The following PDE3A variants were observed in gnomAD, a reference collection of about 807,000 sequenced individuals.
The protein encoded by PDE3A is cGMP-inhibited 3',5'-cyclic phosphodiesterase 3A.
In PDE3A, 43 loss-of-function variants were observed where a neutral mutation model predicts 98.3. The observed-to-expected ratio is 0.44, with a 90% CI of 0.34 to 0.56. The LOEUF is 0.56. PDE3A is among the 20% of genes least tolerant of loss of function. PDE3A has a pLI of 0.01. For synonymous variants in PDE3A, 663 were observed against 567.9 expected, an observed-to-expected ratio of 1.17 and a Z score of -2.38; for missense variants, 1,427 against 1,440.7, an observed-to-expected ratio of 0.99 and a Z score of 0.15.
intron 9 of PDE3A, among the ~76,000 whole-genome samples, chr12:20,639,062 C>T (rs1391863981): frequency 6.6e-6 from 1 of 151,996 alleles, no homozygotes; most frequent in Non-Finnish European, 1.5e-5. Flanking sequence ...TCAAGTTCTC[C>T]AAATGAGGAT....
At chr12:20,543,289 A>G (rs183795154) in intron 1 of PDE3A, among the ~76,000 whole-genome samples, 4 of 151,930 alleles carry the variant, frequency 2.6e-5, no homozygotes, top group African/African-American at 4.8e-5. Flanking sequence ...CTAACTATCA[A>G]TTGCATTGGA....
Position 20,546,247 on chromosome 12 carries a change from A to G in PDE3A, c.961-10413A>G, listed in dbSNP as rs539243319. ...TAAACAGTATATGGCAACCCCAGGA[A>G]TTCTGTTAGCTTCTTTGGCCTAAGC... is the stretch of plus-strand genomic sequence containing the variant. On this transcript the variant is annotated intron_variant, in intron 1 of 15. Transcript: ENST00000359062. 8.5e-5 allele frequency among the ~76,000 whole-genome samples: 13 copies of G among 152,168 alleles called. No homozygotes were observed. The East Asian group carries it at 2.3e-3, about 27-fold the overall frequency.
At chr12:20,411,923 TC>T (rs775631012) in intron 1 of PDE3A, among the ~76,000 whole-genome samples, 12 of 147,228 alleles carry the variant, frequency 8.2e-5, no homozygotes, top group Non-Finnish European at 1.7e-4. Flanking sequence ...GACCTTCATT[TC>T]AATTTTATAG....
intron 1 of PDE3A, among the ~76,000 whole-genome samples, chr12:20,497,494 G>A (rs1945940871): frequency 6.6e-6 from 1 of 150,498 alleles, no homozygotes; most frequent in Non-Finnish European, 1.5e-5. Flanking sequence ...TGATTTTAAA[G>A]TTTTTAAAAA....
At chr12:20,482,125 A>G (rs1489929749) in intron 1 of PDE3A, among the ~76,000 whole-genome samples, 3 of 152,098 alleles carry the variant, frequency 2.0e-5, no homozygotes, top group African/African-American at 7.2e-5. Context: ...AGAAAGCACA[A>G]GATTATTTCT....
intron 1 of PDE3A, among the ~76,000 whole-genome samples, chr12:20,436,136 T>C (rs974975173): frequency 6.6e-5 from 10 of 152,128 alleles, no homozygotes; most frequent in African/African-American, 2.4e-4. Context: ...TGGATCAAAA[T>C]CTGCATTTTA....
At chr12:20,667,945 T>C (rs888914144) in intron 15 of PDE3A, among the ~76,000 whole-genome samples, 2 of 152,170 alleles carry the variant, frequency 1.3e-5, no homozygotes, top group Admixed American at 1.3e-4. Flanking sequence ...ACCGGGTTCA[T>C]CTCTCTAGGG....
At chr12:20,414,332 A>G (rs1469655116) in intron 1 of PDE3A, among the ~76,000 whole-genome samples, 1 of 152,180 alleles carries the variant, frequency 6.6e-6, no homozygotes, top group Non-Finnish European at 1.5e-5. Flanking sequence ...GCAGACAACC[A>G]TAGATTTCAA....
chr12:20,522,138 CA>C (rs1946441697), intron 1 of PDE3A, among the ~76,000 whole-genome samples: 1 of 152,068 alleles, frequency 6.6e-6, no homozygotes, highest in African/African-American at 2.4e-5. Context: ...GTCTACTGTA[CA>C]GGGTCATTCT....
At chr12:20,516,410 A>G (rs1299841711) in intron 1 of PDE3A, among the ~76,000 whole-genome samples, 1 of 152,200 alleles carries the variant, frequency 6.6e-6, no homozygotes, top group Non-Finnish European at 1.5e-5. Flanking sequence ...TCAAAATGGT[A>G]GTGAAACAAT....
chr12:20,633,733 C>G lies in PDE3A; in HGVS notation c.1801C>G (p.Pro601Ala). 1 of 1,610,658 alleles carries G rather than the reference C, an allele frequency of 6.2e-7. No homozygotes were observed. Among genetic ancestry groups the G allele is most frequent in the Non-Finnish European group, 8.5e-7 (1 of 1,178,048 alleles). The change falls in exon 7 of 16, where the codon CCC (proline) becomes GCC (alanine). Residue 601 changes from proline (P) to alanine (A), a missense_variant. By Grantham distance (27) the Pro-to-Ala change is conservative. Coordinates refer to ENST00000359062, the MANE Select transcript of PDE3A (RefSeq NM_000921.5). ...TTCCCAAGGGAATCCTGCTGATGAG[C>G]CCCTGGAGAGAAGTGGGGTAGCCAC... ...PYSQGNPADEPLERSGVATRT... is the reference protein window; with the variant it reads ...PYSQGNPADEALERSGVATRT...
intron 1 of PDE3A, among the ~76,000 whole-genome samples, chr12:20,441,645 C>G (rs1944872656): frequency 6.6e-6 from 1 of 152,148 alleles, no homozygotes; most frequent in Non-Finnish European, 1.5e-5. Flanking sequence ...CCACTAATCT[C>G]TGTTCCCTGA....
intron 1 of PDE3A, among the ~76,000 whole-genome samples, chr12:20,417,800 G>A (rs906427193): frequency 1.3e-5 from 2 of 152,168 alleles, no homozygotes; most frequent in Admixed American, 6.5e-5. Context: ...CTGAGTGTTC[G>A]AGGCAGCGTA....
intron 13 of PDE3A, among the ~76,000 whole-genome samples, chr12:20,649,825 G>A (rs1252259990): frequency 2.0e-5 from 3 of 152,172 alleles, no homozygotes; most frequent in East Asian, 1.9e-4. Flanking sequence ...ACTTGCGGGG[G>A]CTGAGGCAGG....
intron 1 of PDE3A, among the ~76,000 whole-genome samples, chr12:20,538,722 G>A (rs1209373096): frequency 1.3e-5 from 2 of 152,048 alleles, no homozygotes; most frequent in Non-Finnish European, 2.9e-5. Context: ...ACTCCTTATT[G>A]TAGCCTAAAC....
At chr12:20,595,274 T>C (rs910310550) in intron 2 of PDE3A, among the ~76,000 whole-genome samples, 1 of 152,098 alleles carries the variant, frequency 6.6e-6, no homozygotes, top group Non-Finnish European at 1.5e-5. Flanking sequence ...AACTTTCTTC[T>C]GAAGAAAAAG....
chr12:20,649,259 G>A (rs1046698137), intron 13 of PDE3A, among the ~76,000 whole-genome samples: 2 of 151,940 alleles, frequency 1.3e-5, no homozygotes, highest in African/African-American at 4.8e-5. Flanking sequence ...TAGACACATT[G>A]AAAGATATCA....
At chr12:20,566,342 G>T (rs753070921) in intron 2 of PDE3A, among the ~76,000 whole-genome samples, 3 of 151,816 alleles carry the variant, frequency 2.0e-5, no homozygotes, top group Non-Finnish European at 4.4e-5. Context: ...TAGTTTGCTC[G>T]CTGAGTTCTG....
chr12:20,550,294 A>G (rs888811500), intron 1 of PDE3A, among the ~76,000 whole-genome samples: 2 of 152,168 alleles, frequency 1.3e-5, no homozygotes, highest in African/African-American at 4.8e-5. Context: ...AATCTTCCAG[A>G]AGATTTTGAT....
Sources: allele counts gnomAD v4.1 joint callset (sites outside exome capture counted in the v4.1 genomes callset), GRCh38; gene constraint gnomAD v4.1.1; transcripts MANE v1.5; gene names NCBI Gene and HGNC (gene_info 2026-07-23, HGNC 2026-07-21).